CASR: variants seen among roughly 807,000 people sequenced by gnomAD.
CASR encodes extracellular calcium-sensing receptor.
In CASR, 23 loss-of-function variants were observed where a neutral mutation model predicts 69.1. That is an observed-to-expected ratio of 0.33 (90% CI 0.24 to 0.47). The LOEUF is 0.47. CASR is among the 20% of genes least tolerant of loss of function. The pLI, the probability that CASR is intolerant of heterozygous loss-of-function variation, is 1.00. For missense variants in CASR, 924 were observed against 1,356.1 expected (o/e 0.68, Z 5.00); for synonymous variants, 541 against 544.7 (o/e 0.99, Z 0.10).
rs1196940309 is a variant in CASR, at chr3:122,287,768, C to T, written c.*2577C>T. 1 of 152,252 alleles carries T rather than the reference C, an allele frequency of 6.6e-6. No homozygotes were observed. Among genetic ancestry groups the T allele is most frequent in the Non-Finnish European group, 1.5e-5 (1 of 68,064 alleles). 9.4% of individuals were successfully genotyped at this position (152,252 alleles called of 1,614,324 possible). On this transcript the variant is annotated 3_prime_UTR_variant, in exon 7 of 7. Transcript: ENST00000639785. ...CCTCACTGTCCTAACCAGTCGGTCC[C>T]TGTGGGGCCTGCTAGCTCTTGCAGC...
intron 1 of CASR, among the ~76,000 whole-genome samples, chr3:122,243,696 A>G (rs773473111): frequency 3.9e-5 from 6 of 152,158 alleles, no homozygotes; most frequent in Non-Finnish European, 8.8e-5. Context: ...AAAGAAAGGA[A>G]ATCAGTATAT....
intron 1 of CASR, among the ~76,000 whole-genome samples, chr3:122,209,947 CA>C (rs1278714892): frequency 6.6e-6 from 1 of 152,074 alleles, no homozygotes; most frequent in African/African-American, 2.4e-5. Flanking sequence ...ACAAATAAAT[CA>C]ATGTAATTCA....
intron 4 of CASR, among the ~76,000 whole-genome samples, chr3:122,265,030 G>A (rs1043242378): frequency 9.9e-5 from 15 of 152,064 alleles, no homozygotes; most frequent in African/African-American, 3.4e-4. Flanking sequence ...TCTTTGCATA[G>A]GCCATAGCCC....
At chr3:122,222,256 C>T (rs1322695510) in intron 1 of CASR, among the ~76,000 whole-genome samples, 1 of 152,102 alleles carries the variant, frequency 6.6e-6, no homozygotes, top group Non-Finnish European at 1.5e-5. Context: ...TAAATAAGTC[C>T]TGAGATATCC....
chr3:122,198,435 T>G (rs1001995585), intron 1 of CASR, among the ~76,000 whole-genome samples: 1 of 152,202 alleles, frequency 6.6e-6, no homozygotes, highest in African/African-American at 2.4e-5. Flanking sequence ...TATGTATGTA[T>G]TTATGATAAC....
chr3:122,211,092 A>G (rs1422860103), intron 1 of CASR, among the ~76,000 whole-genome samples: 2 of 152,220 alleles, frequency 1.3e-5, no homozygotes, highest in African/African-American at 2.4e-5. Context: ...TTAACTCAAG[A>G]TGAATTAAAT....
chr3:122,192,633 A>C (rs1057143842), intron 1 of CASR, among the ~76,000 whole-genome samples: 1 of 152,224 alleles, frequency 6.6e-6, no homozygotes, highest in African/African-American at 2.4e-5. Flanking sequence ...GAGCAGGTAT[A>C]TGTATTTTGA....
At chr3:122,226,993 T>C (rs1302165523) in intron 1 of CASR, among the ~76,000 whole-genome samples, 4 of 152,168 alleles carry the variant, frequency 2.6e-5, no homozygotes, top group Non-Finnish European at 4.4e-5. Flanking sequence ...AGAGTGCCAA[T>C]TGGTGTATTC....
chr3:122,216,258 G>A (rs947395295), intron 1 of CASR, among the ~76,000 whole-genome samples: 24 of 152,178 alleles, frequency 1.6e-4, no homozygotes, highest in African/African-American at 5.3e-4. Flanking sequence ...TGGGCTGCAC[G>A]TTTGTCCCTT....
intron 1 of CASR, among the ~76,000 whole-genome samples, chr3:122,191,777 A>G (rs1433672454): frequency 2.0e-5 from 3 of 152,254 alleles, no homozygotes; most frequent in African/African-American, 7.2e-5. Context: ...AAAGTAGCCA[A>G]AGGTTGTAAT....
chr3:122,243,995 T>C (rs1206759015), intron 1 of CASR, among the ~76,000 whole-genome samples: 2 of 151,988 alleles, frequency 1.3e-5, no homozygotes, highest in Non-Finnish European at 1.5e-5. Flanking sequence ...TCATGAACAT[T>C]GAGAGTAGAA....
rs2074960655 is a variant in CASR at position 122,285,586 on chromosome 3, G to A, written c.*395G>A. On this transcript the variant is annotated 3_prime_UTR_variant, in exon 7 of 7. Transcript: ENST00000639785. ...CACCACTAGAGCTGAGAGTCTGAAAGACAGAATGTCACCAGTCCTGCCCAA... is the reference window on the plus strand; with the variant it reads ...CACCACTAGAGCTGAGAGTCTGAAAAACAGAATGTCACCAGTCCTGCCCAA... 4.2e-6 allele frequency: 1 copy of A among 237,512 alleles called. No individual in the cohort carries two copies. Among genetic ancestry groups the A allele is most frequent in the South Asian group, 6.4e-5 (1 of 15,714 alleles). 14.7% of individuals were successfully genotyped at this position (237,512 alleles called of 1,614,324 possible).
At chr3:122,194,359 C>T (rs1465246229) in intron 1 of CASR, among the ~76,000 whole-genome samples, 9 of 152,122 alleles carry the variant, frequency 5.9e-5, no homozygotes, top group Non-Finnish European at 5.9e-5. Context: ...CAGGGCCGAT[C>T]TCATGCATCT....
At chr3:122,268,772 A>G (rs11716910) in intron 4 of CASR, among the ~76,000 whole-genome samples, 41,758 of 152,218 alleles carry the variant, frequency 0.27, 6,482 homozygotes, top group Non-Finnish European at 0.36. Context: ...CTGAGAGGAC[A>G]GTGGAGGACA....
At position 122,204,129 on chromosome 3, in the gene CASR, T is replaced by A. The variant is rs1242068852; in HGVS notation, c.-243+20317T>A. Among the ~76,000 whole-genome samples the A allele has an allele frequency of 2.6e-5, 4 of 152,174 alleles. No individual in the cohort carries two copies. The East Asian group carries it at 7.7e-4, about 29-fold the overall frequency. On this transcript the variant is annotated intron_variant, in intron 1 of 6. Coordinates refer to ENST00000639785, the MANE Select transcript of CASR (RefSeq NM_000388.4). ...TCCAATTCTTCTCTTCTAGCTATTT[T>A]GAAATATACAATAGATTATTGTAAA...
chr3:122,237,660 GA>G (rs927398320), intron 1 of CASR, among the ~76,000 whole-genome samples: 9 of 152,314 alleles, frequency 5.9e-5, no homozygotes, highest in Middle Eastern at 3.4e-3. Context: ...CATATAGTAT[GA>G]TACCCTTTTA....
At chr3:122,238,571 G>C (rs2074351854) in intron 1 of CASR, among the ~76,000 whole-genome samples, 1 of 152,188 alleles carries the variant, frequency 6.6e-6, no homozygotes, top group South Asian at 2.1e-4. Context: ...AGCAGCAGGT[G>C]ACCTAGGGAG....
intron 1 of CASR, among the ~76,000 whole-genome samples, chr3:122,253,366 C>T (rs2074518264): frequency 6.6e-6 from 1 of 152,208 alleles, no homozygotes; most frequent in African/African-American, 2.4e-5. Context: ...CGCAGCCTCC[C>T]AAGTAGCTGG....
At chr3:122,217,242 G>C (rs576439150) in intron 1 of CASR, among the ~76,000 whole-genome samples, 16 of 152,200 alleles carry the variant, frequency 1.1e-4, no homozygotes, top group Admixed American at 8.5e-4. Context: ...GGGACTACAG[G>C]CACATGCCAC....
Sources: allele counts gnomAD v4.1 joint callset (sites outside exome capture counted in the v4.1 genomes callset), GRCh38; gene constraint gnomAD v4.1.1; transcripts MANE v1.5; gene names NCBI Gene and HGNC (gene_info 2026-07-23, HGNC 2026-07-21).